The following GPR158 variants were observed in gnomAD, a reference collection of about 807,000 sequenced individuals.
GPR158 encodes G protein-coupled receptor 158.
GPR158 carries 30 observed loss-of-function variants against 78.2 expected under a neutral mutation model. The observed-to-expected ratio is 0.38, with a 90% CI of 0.29 to 0.52. The LOEUF is 0.52. Ranked by LOEUF, GPR158 falls within the 20% of genes least tolerant of loss-of-function variation. The pLI, the probability that GPR158 is intolerant of heterozygous loss-of-function variation, is 0.83. For synonymous variants in GPR158, 581 were observed against 591.1 expected, an observed-to-expected ratio of 0.98 and a Z score of 0.25; for missense variants, 1,463 against 1,523.5, an observed-to-expected ratio of 0.96 and a Z score of 0.66.
chr10:25,308,852 G>C (rs1158795341), intron 2 of GPR158, among the ~76,000 whole-genome samples: 1 of 152,136 alleles, frequency 6.6e-6, no homozygotes, highest in Non-Finnish European at 1.5e-5. Flanking sequence ...ATGTCCTCGA[G>C]ATTCATCTGT....
chr10:25,205,464 A>C (rs186295849), intron 1 of GPR158, among the ~76,000 whole-genome samples: 26 of 149,164 alleles, frequency 1.7e-4, no homozygotes, highest in East Asian at 1.6e-3. Context: ...GTCCCTTTTT[A>C]TTTTTCTTTT....
intron 4 of GPR158, among the ~76,000 whole-genome samples, chr10:25,422,852 C>CCA (rs942801103): frequency 2.2e-5 from 3 of 138,634 alleles, no homozygotes; most frequent in South Asian, 2.3e-4. Flanking sequence ...ATTCCCTTAC[C>CCA]CCCCCCACAC....
At chr10:25,460,984 G>A (rs957461770) in intron 4 of GPR158, among the ~76,000 whole-genome samples, 15 of 152,106 alleles carry the variant, frequency 9.9e-5, no homozygotes, top group African/African-American at 1.4e-4. Flanking sequence ...GCCATGAACC[G>A]CACCCACATA....
intron 1 of GPR158, among the ~76,000 whole-genome samples, chr10:25,183,203 A>C (rs538489886): frequency 6.6e-6 from 1 of 152,108 alleles, no homozygotes; most frequent in Non-Finnish European, 1.5e-5. Flanking sequence ...GACCTATACA[A>C]ATATTTGGGT....
chr10:25,475,617 C>T (rs920154480), intron 5 of GPR158: 1 of 152,026 alleles, frequency 6.6e-6, no homozygotes, highest in Admixed American at 6.6e-5. Flanking sequence ...ATAAGGAAGA[C>T]CTGTATTAAG....
chr10:25,364,399 C>G (rs1251321724), intron 2 of GPR158, among the ~76,000 whole-genome samples: 1 of 151,744 alleles, frequency 6.6e-6, no homozygotes, highest in Non-Finnish European at 1.5e-5. Flanking sequence ...ATCTTTTTTC[C>G]ATTTCTCCAT....
chr10:25,455,384 T>C (rs1188343033), intron 4 of GPR158, among the ~76,000 whole-genome samples: 3 of 152,176 alleles, frequency 2.0e-5, no homozygotes, highest in Non-Finnish European at 2.9e-5. Flanking sequence ...AAATCTGTTA[T>C]ATTATAAAAC....
chr10:25,496,156 C>T lies in GPR158; in HGVS notation c.1404+29437C>T, dbSNP rs76489052. ...TAATGTCCTCTATTACACTTGTCCC[C>T]GCTCCCCCAACCATGTGAACATCCT... is the stretch of plus-strand genomic sequence containing the variant. On this transcript the variant is annotated intron_variant, in intron 5 of 10. Transcript: ENST00000376351. Among the ~76,000 whole-genome samples, 966 of 152,242 alleles carry T rather than the reference C, an allele frequency of 6.3e-3. 14 individuals are homozygous for T. The highest frequency in any genetic ancestry group is 0.022 in the African/African-American group (925 of 41,524).
At chr10:25,253,203 G>A (rs1181774666) in intron 2 of GPR158, among the ~76,000 whole-genome samples, 7 of 152,174 alleles carry the variant, frequency 4.6e-5, no homozygotes, top group African/African-American at 1.2e-4. Flanking sequence ...ACTGGCCTGC[G>A]CCCACTGTCT....
chr10:25,529,827 G>A (rs546228351), intron 5 of GPR158, among the ~76,000 whole-genome samples: 1 of 152,216 alleles, frequency 6.6e-6, no homozygotes, highest in Admixed American at 6.5e-5. Context: ...TCTGTTTTGA[G>A]TAGCAGGCCT....
intron 2 of GPR158, among the ~76,000 whole-genome samples, chr10:25,288,873 G>A (rs1220790060): frequency 6.6e-6 from 1 of 152,110 alleles, no homozygotes; most frequent in Admixed American, 6.5e-5. Context: ...CATTATCATA[G>A]CTCTGTTTTC....
intron 5 of GPR158, among the ~76,000 whole-genome samples, chr10:25,510,085 C>G (rs190302568): frequency 6.6e-6 from 1 of 152,148 alleles, no homozygotes; most frequent in Admixed American, 6.5e-5. Context: ...CTGGACGAGG[C>G]AGTTACAAGG....
chr10:25,214,274 G>A (rs1280082730), intron 1 of GPR158, among the ~76,000 whole-genome samples: 2 of 152,146 alleles, frequency 1.3e-5, no homozygotes, highest in African/African-American at 4.8e-5. Flanking sequence ...GATTACAGGC[G>A]TGAGCCACCA....
At chr10:25,298,592 T>G (rs1162838626) in intron 2 of GPR158, among the ~76,000 whole-genome samples, 2 of 152,192 alleles carry the variant, frequency 1.3e-5, no homozygotes, top group Non-Finnish European at 2.9e-5. Flanking sequence ...TAATTTTTAT[T>G]TTTTCCTTTA....
Position 25,426,816 on chromosome 10 carries a change from T to A in GPR158, c.1335+14343T>A, listed in dbSNP as rs1261648190. Among the ~76,000 whole-genome samples the A allele has an allele frequency of 3.3e-5, 5 of 152,134 alleles. No individual in the cohort carries two copies. The East Asian group carries it at 5.8e-4, about 18-fold the overall frequency. On this transcript the variant is annotated intron_variant, in intron 4 of 10. Transcript: ENST00000376351. ...TGTTGGAAGAACGTCAGTGAGAGAT[T>A]TGCTTGATGCAAGGTTTTCACAAAC...
chr10:25,478,493 C>CGTGTGT (rs71399974), intron 5 of GPR158, among the ~76,000 whole-genome samples: 39 of 145,188 alleles, frequency 2.7e-4, no homozygotes, highest in African/African-American at 7.7e-4. Flanking sequence ...ATATATAATG[C>CGTGTGT]GTGTGTGTGT....
rs1852530150 is a variant in GPR158 at position 25,176,209 on chromosome 10, C to T, written c.789C>T (p.Phe263=). 1.9e-6 allele frequency: 3 copies of T among 1,591,348 alleles called. No individual in the cohort carries two copies. The East Asian group carries it at 6.8e-5, about 36-fold the overall frequency. The change falls in exon 1 of 11, where the codon TTC becomes TTT. Residue 263 remains phenylalanine (F), a synonymous_variant. Coordinates refer to ENST00000376351, the MANE Select transcript of GPR158 (RefSeq NM_020752.3). The surrounding 1 kb of genome is among the most constrained non-coding windows in gnomAD (Gnocchi z 6.3). ...GGCTCGGCGGGGACAAGAGCCACTT[C>T]AAGTGGTCTCCGCCTTATCTGGAGT... is the stretch of plus-strand genomic sequence containing the variant. The part of the protein sequence containing the change: ...KDGLGGDKSH[F]KWSPPYLECE...
intron 5 of GPR158, among the ~76,000 whole-genome samples, chr10:25,505,318 A>G (rs1214641998): frequency 6.6e-6 from 1 of 152,226 alleles, no homozygotes; most frequent in African/African-American, 2.4e-5. Flanking sequence ...CTAAGACTGT[A>G]GAATAACTCC....
intron 7 of GPR158, among the ~76,000 whole-genome samples, 196 bp from the exon 8 acceptor site, chr10:25,588,811 G>A (rs543416416): frequency 6.6e-6 from 1 of 152,284 alleles, no homozygotes; most frequent in East Asian, 1.9e-4. Context: ...TAACAACAAA[G>A]TGTACCCTTT....
Sources: gnomAD v4.1 joint callset for allele counts (sites outside exome capture counted in the v4.1 genomes callset) on GRCh38, gnomAD v4.1.1 for gene constraint, Gnocchi (gnomAD v3.1) non-coding constraint, MANE v1.5 for transcripts, NCBI Gene and HGNC (gene_info 2026-07-23, HGNC 2026-07-21) for gene names.